The following TAF1 variants were observed in gnomAD, a reference collection of about 807,000 sequenced individuals.
TAF1 encodes TATA-box binding protein associated factor 1, also known as transcription initiation factor TFIID subunit 1.
A neutral mutation model predicts 138.5 loss-of-function variants in TAF1; 2 were observed. The ratio of observed to expected loss-of-function variants is 0.01; its 90% CI spans 0.01 to 0.05. The LOEUF (loss-of-function observed/expected upper bound fraction) is 0.05. Among genes scored for constraint, TAF1 ranks in the 10% least tolerant of loss-of-function variants. TAF1 has a pLI of 1.00. For missense variants in TAF1, 709 were observed against 1,478.0 expected, an observed-to-expected ratio of 0.48 and a Z score of 8.53; for synonymous variants, 437 against 503.2, an observed-to-expected ratio of 0.87 and a Z score of 1.76.
intron 13 of TAF1, among the ~76,000 whole-genome samples, chrX:71,472,889 A>G (rs1171850296): frequency 5.4e-5 from 6 of 112,080 alleles, no homozygotes; most frequent in Non-Finnish European, 1.1e-4. Context: ...TTACAAAGAT[A>G]TTTATGAGTT....
At position 71,424,197 on chromosome X, in the gene TAF1, A is replaced by G. The variant is rs1286697293; in HGVS notation, c.4712A>G (p.Asp1571Gly). The change falls in exon 32 of 38, where the codon GAT becomes GGT. Residue 1571 changes from aspartate (D) to glycine (G), a missense_variant. By Grantham distance (94) the Asp-to-Gly change is moderately conservative (BLOSUM62 -1). Around this residue, in one of 14 missense-constraint regions of TAF1, gnomAD observed 36 missense variants for 47.3 expected, o/e 0.76. Transcript: ENST00000423759. ...TATCAGAGTCGGGAGAGCTTTCTGG[A>G]TGATGTAAACCTTATTCTGGCCAAC... ...HKYQSRESFL[D>G]DVNLILANSV... The G allele has an allele frequency of 8.3e-7, 1 of 1,211,031 alleles. No homozygotes were observed. Among genetic ancestry groups the G allele is most frequent in the Admixed American group, 2.2e-5 (1 of 45,885 alleles).
At chrX:71,368,533 A>G in intron 3 of TAF1, 1 of 155,462 alleles carries the variant, frequency 6.4e-6, no homozygotes, top group East Asian at 1.5e-4. Flanking sequence ...TGGATAGTTC[A>G]AGAAGGATAC....
chrX:71,454,697 A>G, intron 33 of TAF1, 44 bp from the exon 34 acceptor site: 1 of 1,124,256 alleles, frequency 8.9e-7, no homozygotes, highest in Non-Finnish European at 1.2e-6. Flanking sequence ...TATCCCCAGT[A>G]CTTAAAATAC....
chrX:71,508,086 C>CTCTCTCTCTCTCTATATA (rs4040068), intron 13 of TAF1, among the ~76,000 whole-genome samples: 32 of 92,177 alleles, frequency 3.5e-4, no homozygotes, highest in African/African-American at 6.4e-4. Context: ...CTCTCTCTCT[C>CTCTCTCTCTCTCTATATA]TATATATATA....
chrX:71,481,691 G>T (rs1468077219), intron 13 of TAF1, among the ~76,000 whole-genome samples: 1 of 111,450 alleles, frequency 9.0e-6, no homozygotes, highest in Admixed American at 9.5e-5. Flanking sequence ...CTGAGTAGCT[G>T]GGAATACAGG....
intron 28 of TAF1, among the ~76,000 whole-genome samples, chrX:71,408,489 G>T (rs2035590619): frequency 9.1e-6 from 1 of 110,016 alleles, no homozygotes; most frequent in African/African-American, 3.3e-5. Flanking sequence ...GCTAATTTTT[G>T]TATTTTTAGT....
chrX:71,527,283 G>A (rs2040014253), intron 13 of TAF1, among the ~76,000 whole-genome samples: 1 of 107,477 alleles, frequency 9.3e-6, no homozygotes, highest in Non-Finnish European at 1.9e-5. Context: ...CTACTCGGGA[G>A]TCTGAGGCAG....
At chrX:71,386,433 T>C (rs2034233489) in intron 14 of TAF1, among the ~76,000 whole-genome samples, 1 of 111,868 alleles carries the variant, frequency 8.9e-6, no homozygotes, top group Non-Finnish European at 1.9e-5. Flanking sequence ...CAGCCTATTC[T>C]GTCTAGCACT....
chrX:71,514,463 CAAAAAAAA>C (rs990209662), intron 13 of TAF1, among the ~76,000 whole-genome samples: 2 of 39,758 alleles, frequency 5.0e-5, no homozygotes, highest in Non-Finnish European at 9.7e-5. Context: ...AAAACTAAAC[CAAAAAAAA>C]AAAAAAAAAA....
intron 13 of TAF1, among the ~76,000 whole-genome samples, chrX:71,520,145 T>G (rs2039905378): frequency 9.6e-6 from 1 of 104,657 alleles, no homozygotes. Context: ...ATTTATTTAT[T>G]TATTTATTTA....
Position 71,430,309 on chromosome X carries a change from G to T in TAF1, c.4753+6071G>T, listed in dbSNP as rs755490076. On this transcript the variant is annotated intron_variant, in intron 32 of 37. Coordinates refer to ENST00000423759, the MANE Select transcript of TAF1 (RefSeq NM_004606.5). ...GGCAGGACAATGGCGGGAGGAACCC[G>T]GGAGGCCGAGCTTGCTGTGAGCCGA... Among the ~76,000 whole-genome samples, 4 of 107,920 alleles carry T rather than the reference G, an allele frequency of 3.7e-5. No homozygotes were observed. The South Asian group carries it at 1.7e-3, about 45-fold the overall frequency. 93.7% of individuals were successfully genotyped at this position (107,920 alleles called of 115,157 possible).
Position 71,366,435 on chromosome X carries a change from T to G in TAF1, c.61T>G (p.Phe21Val), listed in dbSNP as rs1201974340. The stretch of plus-strand genomic sequence containing the variant: ...AGGCGGCCCATTTTCTTTAGCGGGT[T>G]TCCTTTTCGGCAACATCAATGGAGC... ...AGGGPFSLAG[F>V]LFGNINGAGQ... The change falls in exon 1 of 38, where the codon TTC (phenylalanine) becomes GTC (valine). Residue 21 changes from phenylalanine to valine, a missense_variant. This residue lies in a region of TAF1 where 123 missense variants were observed against 161.6 expected (regional missense o/e 0.76). Transcript: ENST00000423759. 1 of 1,204,488 alleles carries G rather than the reference T, an allele frequency of 8.3e-7. No individual in the cohort carries two copies. Among genetic ancestry groups the G allele is most frequent in the Non-Finnish European group, 1.1e-6 (1 of 893,589 alleles).
intron 13 of TAF1, among the ~76,000 whole-genome samples, chrX:71,488,981 C>T (rs1307613528): frequency 3.7e-5 from 4 of 108,421 alleles, no homozygotes; most frequent in Admixed American, 9.9e-5. Context: ...GCAGGAGAAT[C>T]GCTTGAACCT....
At chrX:71,520,244 C>T (rs906211661) in intron 13 of TAF1, among the ~76,000 whole-genome samples, 45 of 101,104 alleles carry the variant, frequency 4.5e-4, no homozygotes, top group African/African-American at 1.3e-3. Flanking sequence ...CCTGGGTTCA[C>T]GCCATTATCC....
intron 32 of TAF1, among the ~76,000 whole-genome samples, chrX:71,451,806 TC>T (rs1248054066): frequency 1.8e-5 from 2 of 111,057 alleles, no homozygotes; most frequent in African/African-American, 6.5e-5. Context: ...AGGTCATAGA[TC>T]AACAGGATCC....
chrX:71,378,172 T>C, intron 6 of TAF1, 63 bp from the exon 7 acceptor site: 7 of 1,115,011 alleles, frequency 6.3e-6, no homozygotes, highest in Non-Finnish European at 8.6e-6. Context: ...GTTAACTCTC[T>C]ATAGCCTTAG....
rs767650198 is a variant in TAF1, at chrX:71,503,320, A to ATATG, written c.1367-25221_1367-25220insATGT. ...TGTGTATATATATATATATATATAT[A>ATATG]TGTGTGTGTATATATATATATATGT... is the stretch of plus-strand genomic sequence containing the variant. On this transcript the variant is annotated intron_variant and NMD_transcript_variant, in intron 13 of 14. Transcript: ENST00000373775. 6.5e-3 allele frequency among the ~76,000 whole-genome samples: 580 copies of ATATG among 88,671 alleles called. 14 individuals are homozygous for ATATG. Among genetic ancestry groups the ATATG allele is most frequent in the African/African-American group, 0.028 (553 of 19,510 alleles). The allele number at this position is 88,671 out of a possible 115,157, so 77.0% of individuals were successfully genotyped here. A position where few individuals can be genotyped will look rare whatever the true frequency, so the allele number is the denominator to read the frequency against.
Position 71,433,634 on chromosome X carries a change from C to A in TAF1, c.4753+9396C>A, listed in dbSNP as rs749302874. 2.2e-3 allele frequency among the ~76,000 whole-genome samples: 240 copies of A among 111,199 alleles called. 1 individual carries two copies. The highest frequency in any genetic ancestry group is 3.4e-3 in the Non-Finnish European group (178 of 53,117). ...TTTTATGTGATTTCTCAAATTTTTA[C>A]GTATTTGCAAAGAGTTTAAATATTT... On this transcript the variant is annotated intron_variant, in intron 32 of 37. Coordinates refer to ENST00000423759, the MANE Select transcript of TAF1 (RefSeq NM_004606.5).
At chrX:71,411,458 G>A (rs2035783644) in intron 28 of TAF1, among the ~76,000 whole-genome samples, 1 of 111,159 alleles carries the variant, frequency 9.0e-6, no homozygotes, top group African/African-American at 3.3e-5. Context: ...CAGCCTGTGC[G>A]AGAGAGCGAG....
Sources: gnomAD v4.1 joint callset for allele counts (sites outside exome capture counted in the v4.1 genomes callset) on GRCh38, gnomAD v4.1.1 for gene constraint, gnomAD v4.1.1 regional missense constraint, MANE v1.5 for transcripts, NCBI Gene and HGNC (gene_info 2026-07-23, HGNC 2026-07-21) for gene names.